PRSS55: variants seen among roughly 807,000 people sequenced by gnomAD.
The protein encoded by PRSS55 is probable serine protease UNQ9391/PRO34284.
Under a neutral mutation model 23.6 loss-of-function variants are expected in PRSS55, and 41 were observed. The observed-to-expected ratio is 1.74, with a 90% CI of 1.35 to 2.26. The LOEUF (loss-of-function observed/expected upper bound fraction) is 2.26. Ranked by LOEUF, PRSS55 falls within the 30% of genes most tolerant of loss-of-function variation. The probability of loss-of-function intolerance (pLI) is 0.00; values close to 1 mark genes in which losing one functional copy is unlikely to be tolerated. For synonymous variants in PRSS55, 262 were observed against 175.5 expected (o/e 1.49, Z -3.90); for missense variants, 669 against 439.1 (o/e 1.52, Z -4.68).
chr8:10,527,262 G>A (rs576902296), intron 1 of PRSS55, among the ~76,000 whole-genome samples: 29 of 152,314 alleles, frequency 1.9e-4, no homozygotes, highest in African/African-American at 3.8e-4. Flanking sequence ...CACCCCTAGC[G>A]TTTAGCTTGT....
rs148900231 is a variant in PRSS55, at chr8:10,538,708, C to T, written c.974C>T (p.Ser325Leu). ...VKQKPMGSPV[S>L]GVPEPGSPRS... ...CAGAAACCTATGGGCTCCCCAGTCT[C>T]GGGAGTCCCAGAGCCAGGCAGCCCC... is the stretch of plus-strand genomic sequence containing the variant. Residue 325 changes from serine (S) to leucine (L), a missense_variant, in exon 5 of 5, where the codon TCG becomes TTG. Ser to Leu is a moderately radical substitution (Grantham distance 145). Transcript: ENST00000328655. 4.6e-5 allele frequency: 74 copies of T among 1,613,942 alleles called. No homozygotes were observed. In the African/African-American group the frequency reaches 4.7e-4, roughly 10 times the overall value.
intron 4 of PRSS55, among the ~76,000 whole-genome samples, chr8:10,549,697 C>A (rs1188244993): frequency 6.6e-6 from 1 of 152,152 alleles, no homozygotes; most frequent in Non-Finnish European, 1.5e-5. Context: ...CGCTCAGTGC[C>A]CCTTTTCAGC....
At chr8:10,535,021 G>T (rs1196931157) in intron 4 of PRSS55, among the ~76,000 whole-genome samples, 1 of 152,142 alleles carries the variant, frequency 6.6e-6, no homozygotes, top group Admixed American at 6.5e-5. Context: ...GGAGGTGAAA[G>T]ATCTCTACAA....
At chr8:10,552,898 C>T (rs1358377832) in intron 4 of PRSS55, among the ~76,000 whole-genome samples, 2 of 152,198 alleles carry the variant, frequency 1.3e-5, no homozygotes, top group African/African-American at 4.8e-5. Flanking sequence ...ACCATATCAT[C>T]CTGCAATCCC....
chr8:10,531,712 G>A, intron 3 of PRSS55, 167 bp downstream of exon 3: 1 of 881,850 alleles, frequency 1.1e-6, no homozygotes, highest in Non-Finnish European at 1.7e-6. Context: ...GAAACCCCAA[G>A]GTGAGACACC....
chr8:10,538,596 T>G lies in PRSS55; in HGVS notation c.862T>G (p.Leu288Val). 6.2e-7 allele frequency: 1 copy of G among 1,614,008 alleles called. No homozygotes were observed. Among genetic ancestry groups the G allele is most frequent in the Non-Finnish European group, 8.5e-7 (1 of 1,179,970 alleles). ...EKNTPGIYTS[L>V]VNYNLWIEKV... Reference sequence around the variant, plus strand: ...GAACACCCCAGGGATATACACCTCGTTGGTGAACTACAACCTCTGGATCGA... The same window carrying G: ...GAACACCCCAGGGATATACACCTCGGTGGTGAACTACAACCTCTGGATCGA... Residue 288 changes from leucine to valine, a missense_variant, in exon 5 of 5, where the codon TTG becomes GTG. Physicochemically the swap from Leu to Val is conservative, Grantham distance 32. Transcript: ENST00000328655.
rs149483545 is a variant in PRSS55, at chr8:10,533,016, G to A, written c.709G>A (p.Gly237Arg). 58 of 1,614,034 alleles carry A rather than the reference G, an allele frequency of 3.6e-5. No homozygotes were observed. The highest frequency in any genetic ancestry group is 1.1e-4 in the African/African-American group (8 of 74,902). ...ACTTACCAAAAATATGCTGTGTGCC[G>A]GATACAAGAATGAGAGCTATGATGC... is the stretch of plus-strand genomic sequence containing the variant. ...PKLTKNMLCA[G>R]YKNESYDACK... Residue 237 changes from glycine to arginine, a missense_variant, in exon 4 of 5, where the codon GGA becomes AGA. By Grantham distance (125) the Gly-to-Arg change is moderately radical. Coordinates refer to ENST00000328655, the MANE Select transcript of PRSS55 (RefSeq NM_198464.4).
intron 1 of PRSS55, among the ~76,000 whole-genome samples, chr8:10,526,077 A>G (rs1364088278): frequency 6.6e-6 from 1 of 152,130 alleles, no homozygotes; most frequent in Admixed American, 6.5e-5. Context: ...TCCAGGAGCC[A>G]CAGACACCCA....
downstream of PRSS55, among the ~76,000 whole-genome samples, chr8:10,543,764 A>C (rs904558610): frequency 2.6e-5 from 4 of 151,800 alleles, no homozygotes; most frequent in Non-Finnish European, 5.9e-5. Flanking sequence ...AGTATTTTCT[A>C]ATTTCCCATG....
At chr8:10,540,934 C>T (rs932624329), downstream of PRSS55, 5 of 152,796 alleles carry the variant, frequency 3.3e-5, no homozygotes, top group African/African-American at 4.8e-5. Flanking sequence ...TCACCGCCCT[C>T]TGACTTCTGT....
At chr8:10,550,890 T>C (rs1812937730) in intron 4 of PRSS55, among the ~76,000 whole-genome samples, 1 of 152,206 alleles carries the variant, frequency 6.6e-6, no homozygotes, top group Non-Finnish European at 1.5e-5. Context: ...GGAGGGAGGA[T>C]TGCTTGCTCA....
chr8:10,544,339 C>A (rs1320993282), intron 4 of PRSS55, among the ~76,000 whole-genome samples: 1 of 152,128 alleles, frequency 6.6e-6, no homozygotes, highest in Non-Finnish European at 1.5e-5. Context: ...AGCACCATAT[C>A]AGCTCTTTCA....
intron 4 of PRSS55, among the ~76,000 whole-genome samples, chr8:10,550,830 ACGTGTGTGTGCG>A (rs946328277): frequency 2.0e-5 from 3 of 152,224 alleles, no homozygotes; most frequent in African/African-American, 7.2e-5. Flanking sequence ...GTGTGTGTGC[ACGTGTGTGTGCG>A]TGAGCACAAA....
chr8:10,534,356 G>C (rs1812382173), intron 4 of PRSS55, among the ~76,000 whole-genome samples: 1 of 152,162 alleles, frequency 6.6e-6, no homozygotes. Context: ...ATCTTGACCA[G>C]AAAACATTAA....
Position 10,532,952 on chromosome 8 carries a change from C to T in PRSS55, c.645C>T (p.Val215=). Residue 215 remains valine (V), a synonymous_variant, in exon 4 of 5, where the codon GTC becomes GTT. Coordinates refer to ENST00000328655, the MANE Select transcript of PRSS55 (RefSeq NM_198464.4). The part of the protein sequence containing the change: ...VKTDLMKAPM[V]IMDWEECSKM... ...CGGATCTGATGAAAGCGCCAATGGTCATCATGGACTGGGAGGAGTGTTCAA... is the reference window on the plus strand; with the variant it reads ...CGGATCTGATGAAAGCGCCAATGGTTATCATGGACTGGGAGGAGTGTTCAA... The T allele has an allele frequency of 2.5e-6, 4 of 1,614,196 alleles. No individual in the cohort carries two copies. The highest frequency in any genetic ancestry group is 3.4e-6 in the Non-Finnish European group (4 of 1,180,032).
chr8:10,543,654 C>T (rs1563547567), downstream of PRSS55, among the ~76,000 whole-genome samples: 1 of 151,608 alleles, frequency 6.6e-6, no homozygotes, highest in East Asian at 1.9e-4. Flanking sequence ...TTAGTTTCTA[C>T]ATCATATAAG....
chr8:10,527,135 C>G (rs1812053646), intron 1 of PRSS55, among the ~76,000 whole-genome samples: 5 of 152,216 alleles, frequency 3.3e-5, no homozygotes, highest in Admixed American at 2.0e-4. Flanking sequence ...GATTTTCATC[C>G]TGACTTTTTC....
intron 4 of PRSS55, among the ~76,000 whole-genome samples, chr8:10,549,235 G>C (rs911233493): frequency 5.9e-5 from 9 of 152,198 alleles, no homozygotes; most frequent in African/African-American, 2.2e-4. Flanking sequence ...CCTCTGAAAG[G>C]TCCCTGCAGC....
intron 1 of PRSS55, chr8:10,529,281 A>C (rs1770379200): frequency 1.7e-6 from 1 of 587,292 alleles, no homozygotes; most frequent in African/African-American, 1.9e-5. Context: ...GTCAGAGCCA[A>C]TGCTTCTGAC....
Sources: allele counts gnomAD v4.1 joint callset (sites outside exome capture counted in the v4.1 genomes callset), GRCh38; gene constraint gnomAD v4.1.1; transcripts MANE v1.5; gene names NCBI Gene and HGNC (gene_info 2026-07-23, HGNC 2026-07-21).